ATAD2B: variants seen among roughly 807,000 people sequenced by gnomAD.
The protein encoded by ATAD2B is ATPase family AAA domain-containing protein 2B.
Under a neutral mutation model 167.6 loss-of-function variants are expected in ATAD2B, and 40 were observed. The observed-to-expected ratio is 0.24, with a 90% CI of 0.19 to 0.31. The LOEUF is 0.31. Among genes scored for constraint, ATAD2B ranks in the 10% least tolerant of loss-of-function variants. ATAD2B has a pLI of 1.00. For missense variants in ATAD2B, 1,242 were observed against 1,757.2 expected (o/e 0.71, Z 5.24); for synonymous variants, 579 against 596.5 (o/e 0.97, Z 0.43).
intron 22 of ATAD2B, among the ~76,000 whole-genome samples, chr2:23,772,738 G>C (rs1216012290): frequency 4.6e-5 from 7 of 151,878 alleles, no homozygotes; most frequent in Non-Finnish European, 1.0e-4. Flanking sequence ...TTTTTGGGGG[G>C]ATGGGGGTGG....
chr2:23,908,909 A>G (rs1373790900), intron 1 of ATAD2B, among the ~76,000 whole-genome samples: 1 of 148,474 alleles, frequency 6.7e-6, no homozygotes, highest in African/African-American at 2.5e-5. Flanking sequence ...AACACCGCAT[A>G]TTCTCACTCA....
chr2:23,851,713 A>G (rs774644044), intron 13 of ATAD2B, among the ~76,000 whole-genome samples: 10 of 152,216 alleles, frequency 6.6e-5, no homozygotes, highest in Non-Finnish European at 1.3e-4. Flanking sequence ...CTCTTACAGT[A>G]TAACACAGAC....
the ATAD2B span, among the ~76,000 whole-genome samples, chr2:23,685,764 G>C: frequency 6.6e-6 from 1 of 152,336 alleles, no homozygotes; most frequent in African/African-American, 2.4e-5. Context: ...CTGGGGTGAA[G>C]GGACATGTCT....
chr2:23,839,906 C>G (rs552830060), intron 13 of ATAD2B, among the ~76,000 whole-genome samples: 1 of 152,084 alleles, frequency 6.6e-6, no homozygotes, highest in African/African-American at 2.4e-5. Context: ...TACTCAACCC[C>G]TAGGGAACCA....
intron 27 of ATAD2B, among the ~76,000 whole-genome samples, chr2:23,752,341 C>A (rs1675440758): frequency 6.6e-6 from 1 of 151,462 alleles, no homozygotes; most frequent in Non-Finnish European, 1.5e-5. Flanking sequence ...ACTTATTATG[C>A]CAGTAATATC....
At chr2:23,916,662 T>C (rs1703082249) in intron 1 of ATAD2B, among the ~76,000 whole-genome samples, 1 of 152,180 alleles carries the variant, frequency 6.6e-6, no homozygotes, top group Non-Finnish European at 1.5e-5. Flanking sequence ...CTTCACTTAA[T>C]TCTAAATTTG....
chr2:23,841,643 G>A (rs2149810931), intron 13 of ATAD2B, among the ~76,000 whole-genome samples: 1 of 152,062 alleles, frequency 6.6e-6, no homozygotes, highest in Non-Finnish European at 1.5e-5. Flanking sequence ...AGCCTCCCGA[G>A]TAGGTGGGAC....
chr2:23,921,162 T>C (rs1277663472), intron 1 of ATAD2B, among the ~76,000 whole-genome samples: 2 of 113,838 alleles, frequency 1.8e-5, no homozygotes, highest in African/African-American at 6.8e-5. Flanking sequence ...GCTAAGATTG[T>C]ACCACTATAC....
intron 13 of ATAD2B, among the ~76,000 whole-genome samples, chr2:23,843,361 A>T (rs1338227162): frequency 1.3e-5 from 2 of 152,272 alleles, no homozygotes; most frequent in Non-Finnish European, 2.9e-5. Context: ...CAGAATAAAC[A>T]CAAAGAAAGC....
chr2:23,696,259 C>T, the ATAD2B span: 17 of 1,502,306 alleles, frequency 1.1e-5, no homozygotes, highest in Non-Finnish European at 1.5e-5. This position sits in a 1 kb window ranked among gnomAD's most constrained non-coding sequence, Gnocchi z 5.5. Flanking sequence ...TTCCTCTGCC[C>T]CTGGGGCTGG....
chr2:23,831,003 T>G (rs749581675), intron 14 of ATAD2B, among the ~76,000 whole-genome samples: 43 of 152,150 alleles, frequency 2.8e-4, no homozygotes, highest in Non-Finnish European at 4.7e-4. Context: ...TCTTTCCCTA[T>G]ATAACCCAAT....
chr2:23,766,398 T>C (rs1030483388), intron 22 of ATAD2B, among the ~76,000 whole-genome samples: 1 of 152,234 alleles, frequency 6.6e-6, no homozygotes, highest in Admixed American at 6.5e-5. Context: ...AATCCAGAGT[T>C]GCAAAACAAC....
rs988544659 is a variant in ATAD2B, at chr2:23,887,906, T to C, written c.498A>G (p.Arg166=). ...TGTTTTTCCTGGAACGACAACTTTT[T>C]CTGACTTCCATGTCACCATTTATAC... is the stretch of plus-strand genomic sequence containing the variant. The part of the protein sequence containing the change: ...LSCINGDMEV[R]KSCRSRKNRF... Residue 166 remains arginine (R), a synonymous_variant, in exon 4 of 28, where the codon AGA becomes AGG. Coordinates refer to ENST00000238789, the MANE Select transcript of ATAD2B (RefSeq NM_017552.4). The C allele has an allele frequency of 1.2e-6, 2 of 1,611,420 alleles. No homozygotes were observed. Among genetic ancestry groups the C allele is most frequent in the Non-Finnish European group, 1.7e-6 (2 of 1,179,130 alleles).
chr2:23,760,771 C>CACACACA (rs1572646294), intron 24 of ATAD2B, among the ~76,000 whole-genome samples: 1 of 130,224 alleles, frequency 7.7e-6, no homozygotes, highest in Admixed American at 7.6e-5. Flanking sequence ...CACACACACA[C>CACACACA]CACTTCCTTC....
intron 24 of ATAD2B, among the ~76,000 whole-genome samples, chr2:23,760,031 A>G (rs1676453161): frequency 6.6e-6 from 1 of 152,202 alleles, no homozygotes; most frequent in Non-Finnish European, 1.5e-5. Context: ...ACTAGAGCAA[A>G]ATGAAGCTGA....
At chr2:23,762,138 C>A (rs1676823935) in intron 24 of ATAD2B, 71 bp downstream of exon 24, 2 of 1,504,910 alleles carry the variant, frequency 1.3e-6, no homozygotes, top group African/African-American at 1.4e-5. Context: ...TTGTTTTGTA[C>A]CCAATTCCTA....
intron 16 of ATAD2B, among the ~76,000 whole-genome samples, chr2:23,820,650 A>C (rs1003609705): frequency 6.6e-6 from 1 of 152,240 alleles, no homozygotes; most frequent in African/African-American, 2.4e-5. Context: ...TCCTTTCAAA[A>C]TAAAAAATAT....
chr2:23,819,818 A>G lies in ATAD2B; in HGVS notation c.2196T>C (p.Asn732=), dbSNP rs758695803. ...DENALSIFET[N]CHSGSPKKQS... ...GTTTCTTTGGTGATCCTGAGTGACA[A>G]TTGGTCTCAAAAATTGATAAAGCAT... Residue 732 remains asparagine (N), a synonymous_variant, in exon 17 of 28, where the codon AAT becomes AAC. Transcript: ENST00000238789. 41 of 1,602,432 alleles carry G rather than the reference A, an allele frequency of 2.6e-5. No individual in the cohort carries two copies. The highest frequency in any genetic ancestry group is 3.4e-5 in the Non-Finnish European group (40 of 1,170,038).
Position 23,818,169 on chromosome 2 carries a change from G to A in ATAD2B, c.2267+1578C>T, listed in dbSNP as rs189966096. On this transcript the variant is annotated intron_variant, in intron 17 of 27. Transcript: ENST00000238789. ...AGAGAGAGAAGGAGGGAGGGAAGAAGAGAGGGAGAGGGAGAGACGGAGGGA... is the reference window on the plus strand; with the variant it reads ...AGAGAGAGAAGGAGGGAGGGAAGAAAAGAGGGAGAGGGAGAGACGGAGGGA... 2.2e-3 allele frequency among the ~76,000 whole-genome samples: 308 copies of A among 139,498 alleles called. 5 individuals carry two copies. Among genetic ancestry groups the A allele is most frequent in the Admixed American group, 0.014 (194 of 13,426 alleles). 91.5% of individuals were successfully genotyped at this position (139,498 alleles called of 152,430 possible). A position where few individuals can be genotyped will look rare whatever the true frequency, so the allele number is the denominator to read the frequency against.
Sources: gnomAD v4.1 joint callset for allele counts (sites outside exome capture counted in the v4.1 genomes callset) on GRCh38, gnomAD v4.1.1 for gene constraint, Gnocchi (gnomAD v3.1) non-coding constraint, MANE v1.5 for transcripts, NCBI Gene and HGNC (gene_info 2026-07-23, HGNC 2026-07-21) for gene names.